The following FIRRM variants were observed in gnomAD, a reference collection of about 807,000 sequenced individuals.
FIRRM encodes FIGNL1 interacting regulator of recombination and mitosis.
the FIRRM span, among the ~76,000 whole-genome samples, chr1:169,846,546 T>C: frequency 6.6e-6 from 1 of 152,216 alleles, no homozygotes; most frequent in South Asian, 2.1e-4. Context: ...TTCTGGATAA[T>C]TGACTGCAGC....
the FIRRM span, chr1:169,830,488 A>G: frequency 1.1e-6 from 1 of 879,230 alleles, no homozygotes; most frequent in Non-Finnish European, 1.7e-6. Flanking sequence ...ATATTACAGC[A>G]TTAAATTAGG....
the FIRRM span, chr1:169,849,440 A>G: frequency 5.4e-6 from 7 of 1,286,968 alleles, no homozygotes; most frequent in East Asian, 1.4e-4. Context: ...ATGTATGGCT[A>G]TTTTATGATT....
the FIRRM span, chr1:169,851,714 C>G: frequency 3.6e-6 from 5 of 1,402,274 alleles, no homozygotes; most frequent in African/African-American, 1.4e-5. Context: ...CCAGAATTTG[C>G]CTAGTATGGT....
chr1:169,842,618 TGTAGA>T, the FIRRM span: 7 of 1,519,750 alleles, frequency 4.6e-6, no homozygotes, highest in African/African-American at 8.3e-5. Context: ...AATTTTCCAG[TGTAGA>T]GTAAAATGTA....
the FIRRM span, chr1:169,795,023 G>A: frequency 9.0e-7 from 1 of 1,111,364 alleles, no homozygotes; most frequent in Non-Finnish European, 1.3e-6. Context: ...GGCGGAGAGC[G>A]CGCAAGGGTT....
the FIRRM span, chr1:169,793,240 A>T: frequency 6.2e-7 from 1 of 1,614,206 alleles, no homozygotes; most frequent in Non-Finnish European, 8.5e-7. Context: ...CAGAGTGAGA[A>T]GAAAAGCTTT....
chr1:169,825,798 G>A, the FIRRM span, among the ~76,000 whole-genome samples: 1 of 152,152 alleles, frequency 6.6e-6, no homozygotes, highest in East Asian at 1.9e-4. Flanking sequence ...TATCTTAAGT[G>A]CATACTTTAA....
the FIRRM span, chr1:169,852,632 T>G: frequency 2.9e-6 from 2 of 691,826 alleles, no homozygotes; most frequent in Non-Finnish European, 4.8e-6. Flanking sequence ...CTTTACATAT[T>G]TTTCTAGATG....
At chr1:169,846,930 C>T in the FIRRM span, among the ~76,000 whole-genome samples, 2 of 152,100 alleles carry the variant, frequency 1.3e-5, no homozygotes, top group Non-Finnish European at 2.9e-5. Flanking sequence ...TTATCTTTAG[C>T]TTTTGATTTA....
the FIRRM span, among the ~76,000 whole-genome samples, chr1:169,848,460 A>G: frequency 6.6e-6 from 1 of 152,208 alleles, no homozygotes; most frequent in Non-Finnish European, 1.5e-5. Flanking sequence ...GAGTTCACTA[A>G]TGAGAACTTT....
chr1:169,826,620 C>T, the FIRRM span, among the ~76,000 whole-genome samples: 3 of 152,192 alleles, frequency 2.0e-5, no homozygotes, highest in Non-Finnish European at 4.4e-5. Flanking sequence ...GCCTCAACCT[C>T]CCAAAGTGCT....
the FIRRM span, chr1:169,794,858 G>T: frequency 2.0e-6 from 1 of 503,010 alleles, no homozygotes. Context: ...TCGCGCTTCT[G>T]AAAAAGCTCA....
At chr1:169,810,549 A>G in the FIRRM span, among the ~76,000 whole-genome samples, 3 of 152,074 alleles carry the variant, frequency 2.0e-5, no homozygotes, top group Non-Finnish European at 2.9e-5. Context: ...TCTTCACATC[A>G]TCTTTTTATA....
chr1:169,786,319 A>G, the FIRRM span, among the ~76,000 whole-genome samples: 1 of 152,214 alleles, frequency 6.6e-6, no homozygotes, highest in African/African-American at 2.4e-5. Context: ...TTATTGTAAA[A>G]ATCCTGGAGA....
the FIRRM span, chr1:169,853,065 T>A: frequency 1.4e-6 from 2 of 1,413,884 alleles, no homozygotes; most frequent in Non-Finnish European, 9.8e-7. Context: ...CTAACAGATA[T>A]AAAACAAATT....
At chr1:169,828,748 T>C in the FIRRM span, among the ~76,000 whole-genome samples, 2 of 152,148 alleles carry the variant, frequency 1.3e-5, no homozygotes, top group Non-Finnish European at 2.9e-5. Flanking sequence ...AAGGTCTCAC[T>C]ATGTTGCCCA....
chr1:169,794,783 C>A, the FIRRM span: 1 of 219,110 alleles, frequency 4.6e-6, no homozygotes, highest in Non-Finnish European at 9.2e-6. Context: ...CTCACCTCCC[C>A]ATTTGAATGT....
At chr1:169,788,420 C>T in the FIRRM span, among the ~76,000 whole-genome samples, 1 of 152,196 alleles carries the variant, frequency 6.6e-6, no homozygotes, top group African/African-American at 2.4e-5. Flanking sequence ...TTAACACTTT[C>T]TTCTCTCTAG....
At chr1:169,810,926 C>G in the FIRRM span, among the ~76,000 whole-genome samples, 9,647 of 132,900 alleles carry the variant, frequency 0.073, 419 homozygotes, top group Middle Eastern at 0.11. Flanking sequence ...GTGGCGCAAT[C>G]TCGGCTCACT....
Sources: allele counts gnomAD v4.1 joint callset (sites outside exome capture counted in the v4.1 genomes callset), GRCh38; gene constraint gnomAD v4.1.1; transcripts MANE v1.5; gene names NCBI Gene and HGNC (gene_info 2026-07-23, HGNC 2026-07-21).